CSMD1: variants seen among roughly 807,000 people sequenced by gnomAD.
CSMD1 encodes the protein CUB and sushi domain-containing protein 1.
A neutral mutation model predicts 417.5 loss-of-function variants in CSMD1; 213 were observed. The observed-to-expected ratio is 0.51, with a 90% CI of 0.46 to 0.57. The LOEUF (loss-of-function observed/expected upper bound fraction) is 0.57. CSMD1 is among the 20% of genes least tolerant of loss of function. The pLI is 0.00. For missense variants in CSMD1, 6,923 were observed against 4,529.7 expected, an observed-to-expected ratio of 1.53 and a Z score of -15.17; for synonymous variants, 2,862 against 1,736.8, an observed-to-expected ratio of 1.65 and a Z score of -16.11.
chr8:3,207,295 C>T (rs1288573586), intron 30 of CSMD1, among the ~76,000 whole-genome samples: 1 of 150,862 alleles, frequency 6.6e-6, no homozygotes, highest in Non-Finnish European at 1.5e-5. Context: ...TACTCGGCGC[C>T]CGCCAACACA....
At chr8:3,495,325 C>T (rs1259283442) in intron 10 of CSMD1, among the ~76,000 whole-genome samples, 1 of 152,118 alleles carries the variant, frequency 6.6e-6, no homozygotes, top group African/African-American at 2.4e-5. Context: ...TAACTCAGTC[C>T]TGACTTGTTT....
rs140388783 is a variant in CSMD1 at position 4,257,186 on chromosome 8, T to A, written c.415+162767A>T. ...TTTGACCTTGAGTTATAAATTATGG[T>A]ACTACATTTTTAAGCATGAGAGTTT... On this transcript the variant is annotated intron_variant, in intron 3 of 69. Transcript: ENST00000635120. 4.9e-3 allele frequency among the ~76,000 whole-genome samples: 495 copies of A among 100,632 alleles called. 1 individual carries two copies. The highest frequency in any genetic ancestry group is 0.018 in the African/African-American group (469 of 25,360). 66.0% of individuals were successfully genotyped at this position (100,632 alleles called of 152,430 possible).
intron 8 of CSMD1, among the ~76,000 whole-genome samples, chr8:3,614,692 G>A (rs935718842): frequency 6.6e-6 from 1 of 152,170 alleles, no homozygotes; most frequent in African/African-American, 2.4e-5. Context: ...AGGTTTCTGG[G>A]ATGACAGGAT....
chr8:4,277,096 T>A (rs2128856496), intron 3 of CSMD1, among the ~76,000 whole-genome samples: 1 of 152,272 alleles, frequency 6.6e-6, no homozygotes, highest in East Asian at 1.9e-4. Context: ...TGCATGTAAC[T>A]TTTCTGCCAA....
At chr8:3,049,095 C>A (rs1461359955) in intron 50 of CSMD1, among the ~76,000 whole-genome samples, 1 of 152,108 alleles carries the variant, frequency 6.6e-6, no homozygotes, top group African/African-American at 2.4e-5. Flanking sequence ...ATGCTCGCGA[C>A]AACGTGGGGC....
chr8:3,951,061 A>C (rs185686229), intron 5 of CSMD1, among the ~76,000 whole-genome samples: 1 of 152,236 alleles, frequency 6.6e-6, no homozygotes, highest in South Asian at 2.1e-4. Flanking sequence ...TGTTTCAACT[A>C]TTTGAAAATA....
chr8:4,161,501 A>T (rs1322962403), intron 3 of CSMD1, among the ~76,000 whole-genome samples: 1 of 152,186 alleles, frequency 6.6e-6, no homozygotes, highest in African/African-American at 2.4e-5. Context: ...TAAAAGAAAA[A>T]GGACTGAACC....
At chr8:4,327,662 G>A (rs1374230586) in intron 3 of CSMD1, among the ~76,000 whole-genome samples, 5 of 152,116 alleles carry the variant, frequency 3.3e-5, no homozygotes, top group Admixed American at 3.3e-4. Flanking sequence ...AAAGCTCCAC[G>A]ATGCATGTTT....
chr8:3,854,851 C>G (rs1385390556), intron 5 of CSMD1, among the ~76,000 whole-genome samples: 1 of 151,994 alleles, frequency 6.6e-6, no homozygotes, highest in East Asian at 1.9e-4. Context: ...ATTGTTAAAT[C>G]AATTCTAATC....
At chr8:3,281,607 C>G (rs941491920) in intron 26 of CSMD1, among the ~76,000 whole-genome samples, 3 of 152,096 alleles carry the variant, frequency 2.0e-5, no homozygotes, top group African/African-American at 7.2e-5. Context: ...GTGATTCTAA[C>G]TCTGTGACTT....
At chr8:2,986,796 G>A (rs562912517) in intron 54 of CSMD1, among the ~76,000 whole-genome samples, 2 of 152,076 alleles carry the variant, frequency 1.3e-5, no homozygotes, top group Non-Finnish European at 2.9e-5. Flanking sequence ...GAGCCACCGC[G>A]CCCGGCTCTC....
intron 49 of CSMD1, among the ~76,000 whole-genome samples, chr8:3,062,241 T>C (rs114582104): frequency 0.012 from 1,753 of 152,288 alleles, 37 homozygotes; most frequent in African/African-American, 0.04. Context: ...ATTTGACATG[T>C]AGCCATCATC....
chr8:4,954,138 T>C (rs1808925227), intron 1 of CSMD1, among the ~76,000 whole-genome samples: 1 of 152,052 alleles, frequency 6.6e-6, no homozygotes, highest in African/African-American at 2.4e-5. Flanking sequence ...TGCCAAAGAG[T>C]AGGTTCAAAT....
intron 2 of CSMD1, among the ~76,000 whole-genome samples, chr8:4,422,588 T>C (rs928680106): frequency 6.6e-6 from 1 of 152,086 alleles, no homozygotes; most frequent in Non-Finnish European, 1.5e-5. Flanking sequence ...AACTGACTAT[T>C]CTGGACCCTG....
At chr8:4,814,241 CGTGT>C (rs1799074507) in intron 1 of CSMD1, among the ~76,000 whole-genome samples, 1 of 151,840 alleles carries the variant, frequency 6.6e-6, no homozygotes, top group African/African-American at 2.4e-5. Flanking sequence ...CGCATGTGCG[CGTGT>C]GTGTATGTGT....
chr8:4,788,062 G>C (rs1797503704), intron 1 of CSMD1: 17 of 1,595,274 alleles, frequency 1.1e-5, no homozygotes, highest in Admixed American at 1.7e-5. Context: ...AACTTTGAGT[G>C]GGTTGCAGAG....
chr8:3,957,638 C>A (rs947143669), intron 5 of CSMD1, among the ~76,000 whole-genome samples: 9 of 151,860 alleles, frequency 5.9e-5, no homozygotes, highest in Admixed American at 4.6e-4. Context: ...GAACTATAGT[C>A]ATGCCACTGC....
At chr8:4,486,121 AC>A (rs1801367394) in intron 2 of CSMD1, among the ~76,000 whole-genome samples, 2 of 66,522 alleles carry the variant, frequency 3.0e-5, no homozygotes, top group African/African-American at 1.4e-4. Context: ...ATATATACAT[AC>A]ATATATATAT....
At chr8:4,341,647 G>C (rs1188389910) in intron 3 of CSMD1, among the ~76,000 whole-genome samples, 3 of 152,114 alleles carry the variant, frequency 2.0e-5, no homozygotes, top group Non-Finnish European at 4.4e-5. Flanking sequence ...ATATGCTCTT[G>C]TGTTCTAAAA....
Sources: gnomAD v4.1 joint callset for allele counts (sites outside exome capture counted in the v4.1 genomes callset) on GRCh38, gnomAD v4.1.1 for gene constraint, MANE v1.5 for transcripts, NCBI Gene and HGNC (gene_info 2026-07-23, HGNC 2026-07-21) for gene names.